The following NFYC variants were observed in gnomAD, a reference collection of about 807,000 sequenced individuals.
NFYC encodes nuclear transcription factor Y subunit gamma, also known as CAAT box DNA-binding protein subunit C.
In NFYC, 25 loss-of-function variants were observed where a neutral mutation model predicts 53.1. The ratio of observed to expected loss-of-function variants is 0.47; its 90% CI spans 0.34 to 0.66. The LOEUF is 0.66. Among genes scored for constraint, NFYC ranks in the 30% least tolerant of loss-of-function variants. NFYC has a pLI of 0.01. For missense variants in NFYC, 260 were observed against 422.7 expected, an observed-to-expected ratio of 0.62 and a Z score of 3.38; for synonymous variants, 145 against 152.6, an observed-to-expected ratio of 0.95 and a Z score of 0.37.
chr1:40,743,232 T>C (rs1169571327), intron 2 of NFYC, among the ~76,000 whole-genome samples: 1 of 152,244 alleles, frequency 6.6e-6, no homozygotes, highest in African/African-American at 2.4e-5. Context: ...GTTCTCATGA[T>C]TCTTAAAAGC....
At chr1:40,704,321 T>C (rs992674493) in intron 1 of NFYC, among the ~76,000 whole-genome samples, 2 of 152,150 alleles carry the variant, frequency 1.3e-5, no homozygotes, top group Non-Finnish European at 2.9e-5. Context: ...TCTGCCCCCC[T>C]CAGCCTCCCA....
chr1:40,755,040 G>A (rs370445855), intron 5 of NFYC, among the ~76,000 whole-genome samples: 2 of 152,180 alleles, frequency 1.3e-5, no homozygotes, highest in Admixed American at 1.3e-4. Flanking sequence ...TTAATCCTCT[G>A]TAGACATGAA....
chr1:40,693,719 C>A (rs1642970732), intron 1 of NFYC, among the ~76,000 whole-genome samples: 1 of 152,184 alleles, frequency 6.6e-6, no homozygotes. Context: ...TTGCCTGATG[C>A]CAAAGCCTGT....
intron 2 of NFYC, among the ~76,000 whole-genome samples, chr1:40,747,244 G>GA (rs11377810): frequency 0.92 from 123,056 of 133,918 alleles, 56,527 homozygotes; most frequent in East Asian, 0.96. Context: ...TTGTGCTGAC[G>GA]AAAAAAAAAA....
At chr1:40,692,040 C>T (rs368171125) in intron 1 of NFYC, 173 bp downstream of exon 1, 2 of 196,872 alleles carry the variant, frequency 1.0e-5, no homozygotes, top group South Asian at 9.7e-5. Flanking sequence ...GCTGCTGTCG[C>T]CGCCGCCGCG....
chr1:40,768,460 G>A (rs1027000805), intron 8 of NFYC, among the ~76,000 whole-genome samples: 8 of 152,216 alleles, frequency 5.3e-5, no homozygotes, highest in Non-Finnish European at 5.9e-5. Flanking sequence ...GGGTAGGCCT[G>A]CAGGGGTTGT....
chr1:40,745,240 G>C (rs1298081365), intron 2 of NFYC, among the ~76,000 whole-genome samples: 1 of 152,152 alleles, frequency 6.6e-6, no homozygotes, highest in Admixed American at 6.5e-5. Flanking sequence ...CTTTAGTTAA[G>C]TAATCATGGA....
chr1:40,697,368 C>A (rs1366956221), intron 1 of NFYC, among the ~76,000 whole-genome samples: 1 of 152,126 alleles, frequency 6.6e-6, no homozygotes, highest in Non-Finnish European at 1.5e-5. Flanking sequence ...CATGAAGTAA[C>A]CTAATTTAGT....
At position 40,762,923 on chromosome 1, in the gene NFYC, G is replaced by T; in HGVS notation, c.597G>T (p.Gln199His). Residue 199 changes from glutamine (Q) to histidine (H), a missense_variant, in exon 7 of 10, where the codon CAG becomes CAT. By Grantham distance (24) the Gln-to-His change is conservative. Transcript: ENST00000447388. ...TGACAATGCAGGTTGGAGAAGGTCA[G>T]CAGGTGCAGATTGTCCAGGCTCAGC... is the stretch of plus-strand genomic sequence containing the variant. ...TPVTMQVGEG[Q>H]QVQIVQAQPQ... The T allele has an allele frequency of 1.2e-6, 2 of 1,609,140 alleles. No individual in the cohort carries two copies. The highest frequency in any genetic ancestry group is 1.7e-6 in the Non-Finnish European group (2 of 1,177,344).
intron 1 of NFYC, among the ~76,000 whole-genome samples, chr1:40,737,127 C>CAA (rs1161900883): frequency 9.5e-4 from 84 of 88,726 alleles, no homozygotes; most frequent in Middle Eastern, 6.9e-3. Flanking sequence ...AACTCTGTCT[C>CAA]AAAAAAAAAA....
At chr1:40,745,165 A>C (rs1456985650) in intron 2 of NFYC, among the ~76,000 whole-genome samples, 2 of 152,050 alleles carry the variant, frequency 1.3e-5, no homozygotes, top group Non-Finnish European at 2.9e-5. Context: ...TAAAGAAGAG[A>C]AATTGAAGGA....
At chr1:40,720,643 G>A (rs1240752797) in intron 1 of NFYC, among the ~76,000 whole-genome samples, 2 of 152,140 alleles carry the variant, frequency 1.3e-5, no homozygotes, top group African/African-American at 2.4e-5. Flanking sequence ...AAAGTGAGAG[G>A]ATCACTTGAG....
intron 1 of NFYC, among the ~76,000 whole-genome samples, chr1:40,698,178 T>C (rs1315345607): frequency 6.6e-6 from 1 of 151,898 alleles, no homozygotes; most frequent in African/African-American, 2.4e-5. Context: ...GCCTGGCCAA[T>C]ATGGTGAAAC....
chr1:40,709,038 A>T (rs1473481621), intron 1 of NFYC, among the ~76,000 whole-genome samples: 1 of 152,242 alleles, frequency 6.6e-6, no homozygotes, highest in Non-Finnish European at 1.5e-5. Context: ...GTTTTTAAGA[A>T]CAATTCTAAA....
chr1:40,739,258 G>C (rs1645213714), intron 2 of NFYC, among the ~76,000 whole-genome samples: 1 of 152,198 alleles, frequency 6.6e-6, no homozygotes, highest in Non-Finnish European at 1.5e-5. Flanking sequence ...TCTTCCTTCA[G>C]TAGCTGTAGC....
At chr1:40,763,620 T>C (rs1276631988) in intron 7 of NFYC, 1 of 344,872 alleles carries the variant, frequency 2.9e-6, no homozygotes, top group Non-Finnish European at 5.7e-6. Flanking sequence ...GTGCTGGGAT[T>C]ACAGGCATGA....
chr1:40,746,330 A>C (rs757384875), intron 2 of NFYC, among the ~76,000 whole-genome samples: 4 of 152,218 alleles, frequency 2.6e-5, no homozygotes, highest in Non-Finnish European at 5.9e-5. Flanking sequence ...CTTGGTGTAC[A>C]TTTTATCCTA....
chr1:40,770,364 T>C lies in NFYC; in HGVS notation c.889-345T>C. ...GAAATGCTGACTTCCAAGCTGCTGG[T>C]ACAGTGGTTCGAATTGCTTGTGTTT... On this transcript the variant is annotated intron_variant, in intron 9 of 9. Coordinates refer to ENST00000447388, the MANE Select transcript of NFYC (RefSeq NM_014223.5). This position sits in a 1 kb window ranked among gnomAD's most constrained non-coding sequence, Gnocchi z 5.3. 1.3e-6 allele frequency: 2 copies of C among 1,526,258 alleles called. No individual in the cohort carries two copies. The allele number at this position is 1,526,258 out of a possible 1,614,324, so 94.5% of individuals were successfully genotyped here. A position where few individuals can be genotyped will look rare whatever the true frequency, so the allele number is the denominator to read the frequency against.
chr1:40,729,403 T>C (rs144319763), intron 1 of NFYC, among the ~76,000 whole-genome samples: 1,552 of 152,328 alleles, frequency 0.01, 14 homozygotes, highest in South Asian at 0.027. Flanking sequence ...GAACCAACTT[T>C]TCTTCTGCAG....
Sources: gnomAD v4.1 joint callset for allele counts (sites outside exome capture counted in the v4.1 genomes callset) on GRCh38, gnomAD v4.1.1 for gene constraint, Gnocchi (gnomAD v3.1) non-coding constraint, MANE v1.5 for transcripts, NCBI Gene and HGNC (gene_info 2026-07-23, HGNC 2026-07-21) for gene names.